Variants in ETV5 observed in about 807,000 individuals in gnomAD.
The protein encoded by ETV5 is ETS translocation variant 5.
ETV5 carries 10 observed loss-of-function variants against 70.0 expected under a neutral mutation model. That is an observed-to-expected ratio of 0.14 (90% confidence interval 0.09 to 0.24). The LOEUF is 0.24. Among genes scored for constraint, ETV5 ranks in the 10% least tolerant of loss-of-function variants. ETV5 has a pLI of 1.00. For missense variants in ETV5, 453 were observed against 651.2 expected (o/e 0.70, Z 3.31); for synonymous variants, 216 against 242.2 (o/e 0.89, Z 1.01).
At chr3:186,066,282 C>CAAAAAAAAAAAAAAAA (rs1356517173) in intron 7 of ETV5, among the ~76,000 whole-genome samples, 12 of 44,880 alleles carry the variant, frequency 2.7e-4, no homozygotes, top group African/African-American at 1.6e-4. Context: ...AAAAAAAAAT[C>CAAAAAAAAAAAAAAAA]AAAGCAATGA....
chr3:186,077,171 A>C (rs531472242), intron 7 of ETV5, among the ~76,000 whole-genome samples: 22 of 152,240 alleles, frequency 1.4e-4, no homozygotes, highest in Non-Finnish European at 2.6e-4. Flanking sequence ...AAAAGTTTCA[A>C]ATGAGACTCT....
intron 11 of ETV5, among the ~76,000 whole-genome samples, chr3:186,056,311 C>T (rs1488951669): frequency 6.6e-6 from 1 of 152,158 alleles, no homozygotes; most frequent in Non-Finnish European, 1.5e-5. Context: ...CAGGGTCTCG[C>T]TCTGTCACCC....
Position 186,057,519 on chromosome 3 carries a change from C to T in ETV5, c.971-28G>A, listed in dbSNP as rs756870734. The T allele has an allele frequency of 1.3e-5, 20 of 1,566,570 alleles. No individual in the cohort carries two copies. Among genetic ancestry groups the T allele is most frequent in the South Asian group, 4.4e-5 (4 of 90,026 alleles). On this transcript the variant is annotated intron_variant, in intron 9 of 12. Transcript: ENST00000306376. The surrounding 1 kb of genome is among the most constrained non-coding windows in gnomAD (Gnocchi z 4.9). ...GAAAGAGAATTTAAAAGAAAGACTA[C>T]GTTGCTTAACAAATTCTGTGTTGTA...
At chr3:186,100,713 C>T (rs963101386) in intron 5 of ETV5, among the ~76,000 whole-genome samples, 14 of 152,176 alleles carry the variant, frequency 9.2e-5, no homozygotes, top group Non-Finnish European at 1.8e-4. Flanking sequence ...AAAAAGAACA[C>T]TTCAAGGGGA....
intron 7 of ETV5, among the ~76,000 whole-genome samples, chr3:186,074,127 A>G (rs1266239425): frequency 1.3e-5 from 2 of 152,120 alleles, no homozygotes; most frequent in African/African-American, 2.4e-5. Flanking sequence ...AAAAAGGTCT[A>G]TATAAATAAT....
chr3:186,064,599 T>C (rs1713391468), intron 8 of ETV5, 123 bp from the exon 9 acceptor site: 3 of 959,834 alleles, frequency 3.1e-6, no homozygotes, highest in Non-Finnish European at 5.0e-6. Context: ...CATGTCTTTC[T>C]GGCTTTGTCC....
At chr3:186,050,766 C>T (rs775256097) in intron 12 of ETV5, among the ~76,000 whole-genome samples, 12 of 152,110 alleles carry the variant, frequency 7.9e-5, no homozygotes, top group South Asian at 2.1e-4. Flanking sequence ...TAAGACACAG[C>T]GAGAAGAGCA....
chr3:186,046,578 G>A lies in ETV5; in HGVS notation c.*2061C>T, dbSNP rs1334280098. On this transcript the variant is annotated 3_prime_UTR_variant, in exon 13 of 13. Transcript: ENST00000306376. ...GTGATGCCGCTGTCCTATGCCCAGT[G>A]ACAGCACAGGTCACGTAAGTTACAG... is the stretch of plus-strand genomic sequence containing the variant. The A allele has an allele frequency of 4.4e-6, 1 of 227,478 alleles. No individual in the cohort carries two copies. The highest frequency in any genetic ancestry group is 8.7e-6 in the Non-Finnish European group (1 of 115,376). 14.1% of individuals were successfully genotyped at this position (227,478 alleles called of 1,614,324 possible).
At chr3:186,107,122 C>T (rs1283274917) in intron 1 of ETV5, among the ~76,000 whole-genome samples, 1 of 152,152 alleles carries the variant, frequency 6.6e-6, no homozygotes, top group East Asian at 1.9e-4. Flanking sequence ...CCCTTCACAG[C>T]CAGCATCCTC....
intron 12 of ETV5, among the ~76,000 whole-genome samples, chr3:186,050,139 T>G (rs1712990578): frequency 6.6e-6 from 1 of 152,204 alleles, no homozygotes; most frequent in South Asian, 2.1e-4. Flanking sequence ...TATATTACCC[T>G]GTGGGATTAA....
Position 186,052,271 on chromosome 3 carries a change from T to G in ETV5, c.1210-140A>C, listed in dbSNP as rs1276435409. 2.9e-6 allele frequency: 2 copies of G among 697,082 alleles called. No individual in the cohort carries two copies. The highest frequency in any genetic ancestry group is 4.9e-6 in the Non-Finnish European group (2 of 407,906). 43.2% of individuals were successfully genotyped at this position (697,082 alleles called of 1,614,324 possible). The stretch of plus-strand genomic sequence containing the variant: ...ACTCTGACCTGGAAGGGAAGGCATT[T>G]AACTCCCTCAAGACCAAACATTCAA... On this transcript the variant is annotated intron_variant, in intron 11 of 12. Transcript: ENST00000306376. The surrounding 1 kb of genome is among the most constrained non-coding windows in gnomAD (Gnocchi z 4.5).
In ETV5 at chr3:186,079,950, C is replaced by T; in HGVS notation, c.517G>A (p.Gly173Ser). 6.2e-7 allele frequency: 1 copy of T among 1,605,668 alleles called. No individual in the cohort carries two copies. Among genetic ancestry groups the T allele is most frequent in the South Asian group, 1.1e-5 (1 of 89,310 alleles). ...APAAGPVQGV[G>S]PAPAPHSLPE... is the part of the protein sequence containing the mutation. ...AGCGAATGGGGGGCGGGGGCGGGGC[C>T]CACACCTTGAACTGGGCCAGCTGCA... is the stretch of plus-strand genomic sequence containing the variant. The change falls in exon 7 of 13, where the codon GGC becomes AGC. Residue 173 changes from glycine (G) to serine (S), a missense_variant. By Grantham distance (56) the Gly-to-Ser change is moderately conservative (BLOSUM62 0). This residue lies in a region of ETV5 where 307 missense variants were observed against 344.9 expected (regional missense o/e 0.89). Coordinates refer to ENST00000306376, the MANE Select transcript of ETV5 (RefSeq NM_004454.3).
chr3:186,068,459 G>C (rs1323819763), intron 7 of ETV5, among the ~76,000 whole-genome samples: 2 of 151,966 alleles, frequency 1.3e-5, no homozygotes, highest in Admixed American at 6.6e-5. Flanking sequence ...CTCATCTATA[G>C]TTTGATAATA....
At chr3:186,082,816 C>G (rs1014677090) in intron 5 of ETV5, among the ~76,000 whole-genome samples, 5 of 152,208 alleles carry the variant, frequency 3.3e-5, no homozygotes, top group Non-Finnish European at 5.9e-5. Flanking sequence ...ATTCTGAATT[C>G]AGGATTGAAT....
chr3:186,060,361 C>T (rs1713275144), intron 9 of ETV5, among the ~76,000 whole-genome samples: 1 of 152,188 alleles, frequency 6.6e-6, no homozygotes, highest in South Asian at 2.1e-4. Context: ...GTCCTCTACA[C>T]CATCTGGAAG....
intron 12 of ETV5, among the ~76,000 whole-genome samples, chr3:186,050,348 T>C (rs1351261660): frequency 3.0e-4 from 45 of 152,134 alleles, no homozygotes; most frequent in Admixed American, 2.9e-3. Context: ...ACACAGAAGC[T>C]AGTCATAAGG....
At chr3:186,070,226 A>G (rs1316651468) in intron 7 of ETV5, among the ~76,000 whole-genome samples, 1 of 152,080 alleles carries the variant, frequency 6.6e-6, no homozygotes, top group Non-Finnish European at 1.5e-5. Context: ...CCATCCCAGC[A>G]CCTTCGAAGG....
intron 5 of ETV5, among the ~76,000 whole-genome samples, chr3:186,092,257 G>C (rs966610089): frequency 6.6e-6 from 1 of 152,134 alleles, no homozygotes; most frequent in South Asian, 2.1e-4. Context: ...CTAAAGGGAA[G>C]AAAAGGAGCT....
In ETV5 at chr3:186,105,798, AC is replaced by A. The variant is rs1406604162; in HGVS notation, c.45+25del. On this transcript the variant is annotated intron_variant, in intron 2 of 12. Coordinates refer to ENST00000306376, the MANE Select transcript of ETV5 (RefSeq NM_004454.3). The surrounding 1 kb of genome is among the most constrained non-coding windows in gnomAD (Gnocchi z 4.5). ...ACTCATATTGGAGAGGGAGGACAAA[AC>A]AAACCAAAAGCCACATAAACTTACC... The A allele has an allele frequency of 6.2e-7, 1 of 1,612,854 alleles. No individual in the cohort carries two copies. Among genetic ancestry groups the A allele is most frequent in the South Asian group, 1.1e-5 (1 of 91,036 alleles).
Sources: allele counts gnomAD v4.1 joint callset (sites outside exome capture counted in the v4.1 genomes callset), GRCh38; gene constraint gnomAD v4.1.1; regional missense constraint gnomAD v4.1.1; non-coding constraint Gnocchi (gnomAD v3.1); transcripts MANE v1.5; gene names NCBI Gene and HGNC (gene_info 2026-07-23, HGNC 2026-07-21).